The following MIGA2 variants were observed in gnomAD, a reference collection of about 807,000 sequenced individuals.
MIGA2 encodes mitoguardin 2, also known as family with sequence similarity 73, member B.
MIGA2 carries 36 observed loss-of-function variants against 69.9 expected under a neutral mutation model. The ratio of observed to expected loss-of-function variants is 0.52; its 90% CI spans 0.39 to 0.68. The LOEUF is 0.68. MIGA2 is among the 30% of genes least tolerant of loss of function. The pLI is 0.00. For synonymous variants in MIGA2, 333 were observed against 349.2 expected, an observed-to-expected ratio of 0.95 and a Z score of 0.52; for missense variants, 660 against 787.7, an observed-to-expected ratio of 0.84 and a Z score of 1.94.
chr9:129,063,606 C>G lies in MIGA2; in HGVS notation c.1145C>G (p.Thr382Arg). ...FFGKVGRQMV[T>R]GLMTKAEKSP... ...GGGAAAGTGGGCCGACAGATGGTGA[C>G]AGGCCTGATGACCAAGGCTGAGAAG... Residue 382 changes from threonine (T) to arginine (R), a missense_variant, in exon 11 of 16, where the codon ACA (threonine) becomes AGA (arginine). Around this residue, in one of 3 missense-constraint regions of MIGA2, gnomAD observed 220 missense variants for 301.7 expected, o/e 0.73. Coordinates refer to ENST00000684074, the MANE Select transcript of MIGA2 (RefSeq NM_001329990.2). The G allele has an allele frequency of 6.2e-7, 1 of 1,603,798 alleles. No homozygotes were observed. Among genetic ancestry groups the G allele is most frequent in the East Asian group, 2.2e-5 (1 of 44,578 alleles).
rs1400102455 is a variant in MIGA2, at chr9:129,049,962, A to T, written c.674A>T (p.Glu225Val). The T allele has an allele frequency of 6.2e-7, 1 of 1,610,862 alleles. No individual in the cohort carries two copies. The highest frequency in any genetic ancestry group is 8.5e-7 in the Non-Finnish European group (1 of 1,178,758). The change falls in exon 6 of 16, where the codon GAG becomes GTG. Residue 225 changes from glutamate to valine, a missense_variant and splice_region_variant. Glu to Val is a moderately radical substitution (Grantham distance 121, BLOSUM62 -2). Transcript: ENST00000684074. ...GAGACTGCATCAGAGCCACTGTCTG[A>T]GGTAGGTGGTCTTCTGCATCCCCCT... ...NPETASEPLS[E>V]PESQRKEFAE...
chr9:129,059,240 C>T lies in MIGA2; in HGVS notation c.762C>T (p.Thr254=). 1 of 1,594,386 alleles carries T rather than the reference C, an allele frequency of 6.3e-7. No individual in the cohort carries two copies. The highest frequency in any genetic ancestry group is 8.6e-7 in the Non-Finnish European group (1 of 1,169,568). The change falls in exon 7 of 16, where the codon ACC becomes ACT. Residue 254 remains threonine, a synonymous_variant. Transcript: ENST00000684074. The surrounding 1 kb of genome is among the most constrained non-coding windows in gnomAD (Gnocchi z 5.6). ...AYHLQEEFGS[T]FPADSMLLDL... is the part of the protein sequence containing the mutation. The stretch of plus-strand genomic sequence containing the variant: ...ACCTGCAGGAGGAGTTCGGCTCCAC[C>T]TTCCCCGCAGACAGCATGCTGCTAG...
chr9:129,057,561 G>A (rs1033130006), intron 6 of MIGA2, among the ~76,000 whole-genome samples: 2 of 151,840 alleles, frequency 1.3e-5, no homozygotes, highest in African/African-American at 4.8e-5. Flanking sequence ...AAAGTGCTGG[G>A]ATTACTGGTG....
rs1336359227 is a variant in MIGA2 at position 129,070,339 on chromosome 9, G to C, written c.1668G>C (p.Leu556=). Residue 556 remains leucine (L), a synonymous_variant, in exon 16 of 16, where the codon CTG becomes CTC. Coordinates refer to ENST00000684074, the MANE Select transcript of MIGA2 (RefSeq NM_001329990.2). ...CGCTGGCAGACGACATCCTGCAGCT[G>C]TCCCGGCGCCGCAGCGAGATATTGC... ...LPALADDILQ[L]SRRRSEILLG... 2 of 1,613,124 alleles carry C rather than the reference G, an allele frequency of 1.2e-6. No homozygotes were observed. Among genetic ancestry groups the C allele is most frequent in the Non-Finnish European group, 1.7e-6 (2 of 1,179,994 alleles).
intron 11 of MIGA2, among the ~76,000 whole-genome samples, chr9:129,067,225 C>T (rs1420923864): frequency 6.6e-6 from 1 of 152,162 alleles, no homozygotes; most frequent in East Asian, 1.9e-4. Flanking sequence ...TAAATGCAGA[C>T]CCACATCTGA....
intron 9 of MIGA2, among the ~76,000 whole-genome samples, chr9:129,062,713 A>G (rs75690950): frequency 0.032 from 4,935 of 151,866 alleles, 191 homozygotes; most frequent in South Asian, 0.098. Context: ...GCGTGGTGGT[A>G]CGTGGCTGTA....
rs570541665 is a variant in MIGA2, at chr9:129,069,259, C to T, written c.1458+130C>T. ...GCTCACAGTCCTGGCCCCCTTGTTC[C>T]GCCGTTACCTCTCCCTGTGCCAGGA... On this transcript the variant is annotated intron_variant, in intron 14 of 15. Coordinates refer to ENST00000684074, the MANE Select transcript of MIGA2 (RefSeq NM_001329990.2). The surrounding 1 kb of genome is among the most constrained non-coding windows in gnomAD (Gnocchi z 4.9). The T allele has an allele frequency of 7.8e-5, 89 of 1,146,394 alleles. No individual in the cohort carries two copies. The Middle Eastern group carries it at 1.1e-3, about 14-fold the overall frequency. 71.0% of individuals were successfully genotyped at this position (1,146,394 alleles called of 1,614,324 possible).
intron 11 of MIGA2, among the ~76,000 whole-genome samples, chr9:129,066,407 G>A (rs1174366520): frequency 6.6e-6 from 1 of 152,200 alleles, no homozygotes; most frequent in African/African-American, 2.4e-5. Flanking sequence ...GGGCGCAGTG[G>A]CTCACGCCTG....
At chr9:129,037,050 GAGA>G (rs1844628704) in intron 1 of MIGA2, 6 of 1,002,652 alleles carry the variant, frequency 6.0e-6, no homozygotes, top group Non-Finnish European at 7.2e-6. Flanking sequence ...GTGGGGGCAA[GAGA>G]AGAAGGGGCT....
chr9:129,050,922 G>T (rs572578460), intron 6 of MIGA2, among the ~76,000 whole-genome samples: 117 of 151,400 alleles, frequency 7.7e-4, no homozygotes, highest in African/African-American at 2.5e-3. Flanking sequence ...TGCCCAGGCT[G>T]GAGTGCAATG....
chr9:129,067,706 T>TC, intron 11 of MIGA2, 67 bp from the exon 12 acceptor site: 1 of 1,455,554 alleles, frequency 6.9e-7, no homozygotes, highest in Non-Finnish European at 9.4e-7. Flanking sequence ...ATGTCCCCCA[T>TC]CCACAGGCCA....
rs146564095 is a variant in MIGA2, at chr9:129,068,311, G to A, written c.1383G>A (p.Leu461=). 3.7e-6 allele frequency: 6 copies of A among 1,607,676 alleles called. No individual in the cohort carries two copies. Among genetic ancestry groups the A allele is most frequent in the African/African-American group, 1.3e-5 (1 of 74,894 alleles). Residue 461 remains leucine, a synonymous_variant, in exon 13 of 16, where the codon CTG becomes CTA. Transcript: ENST00000684074. This position sits in a 1 kb window ranked among gnomAD's most constrained non-coding sequence, Gnocchi z 4.1. Reference sequence around the variant, plus strand: ...TCGCCGTCCTGCGGAACCGCTGGCTGTCAGACAGCTTCAAGGAGACGGTGG... The same window carrying A: ...TCGCCGTCCTGCGGAACCGCTGGCTATCAGACAGCTTCAAGGAGACGGTGG... ...SVLAVLRNRW[L]SDSFKETALA...
chr9:129,067,658 G>A (rs1171462057), intron 11 of MIGA2, 115 bp from the exon 12 acceptor site: 1 of 878,774 alleles, frequency 1.1e-6, no homozygotes, highest in African/African-American at 1.7e-5. Context: ...TTTTCTCTGT[G>A]CCTGCTGCGT....
intron 3 of MIGA2, among the ~76,000 whole-genome samples, 195 bp from the exon 4 acceptor site, chr9:129,048,232 G>T (rs1043263716): frequency 6.6e-6 from 1 of 152,222 alleles, no homozygotes; most frequent in Non-Finnish European, 1.5e-5. Context: ...CAGGGATGTG[G>T]TCATGAGCAG....
rs1307541800 is a variant in MIGA2 at position 129,060,642 on chromosome 9, G to A, written c.886G>A (p.Ala296Thr). The A allele has an allele frequency of 2.5e-5, 40 of 1,590,716 alleles. No homozygotes were observed. The highest frequency in any genetic ancestry group is 4.6e-5 in the East Asian group (2 of 43,876). ...GACTTCAGAGGATTCCTTCTTCTCC[G>A]CCACCGAGGTGACTCGGGGTGGGGA... ...SLTSEDSFFS[A>T]TELFESLQTG... is the part of the protein sequence containing the mutation. The change falls in exon 8 of 16, where the codon GCC becomes ACC. Residue 296 changes from alanine (A) to threonine (T), a missense_variant. Coordinates refer to ENST00000684074, the MANE Select transcript of MIGA2 (RefSeq NM_001329990.2). The surrounding 1 kb of genome is among the most constrained non-coding windows in gnomAD (Gnocchi z 4.8).
In MIGA2 at chr9:129,069,323, C is replaced by T; in HGVS notation, c.1458+194C>T. On this transcript the variant is annotated intron_variant, in intron 14 of 15. Transcript: ENST00000684074. The surrounding 1 kb of genome is among the most constrained non-coding windows in gnomAD (Gnocchi z 4.9). ...TCGTGTAGACCCACTTCCTCTCCTC[C>T]CCAGGCCCAGCACAGAGCAGGCCAC... The T allele has an allele frequency of 1.5e-6, 1 of 663,160 alleles. No individual in the cohort carries two copies. The highest frequency in any genetic ancestry group is 2.7e-6 in the Non-Finnish European group (1 of 377,106). The allele number at this position is 663,160 out of a possible 1,614,324, so 41.1% of individuals were successfully genotyped here.
chr9:129,069,250 C>G lies in MIGA2; in HGVS notation c.1458+121C>G. On this transcript the variant is annotated intron_variant, in intron 14 of 15. Coordinates refer to ENST00000684074, the MANE Select transcript of MIGA2 (RefSeq NM_001329990.2). This position sits in a 1 kb window ranked among gnomAD's most constrained non-coding sequence, Gnocchi z 4.9. ...GCCTTCACCGCTCACAGTCCTGGCC[C>G]CCTTGTTCCGCCGTTACCTCTCCCT... The G allele has an allele frequency of 2.3e-6, 3 of 1,278,948 alleles. No individual in the cohort carries two copies. Among genetic ancestry groups the G allele is most frequent in the South Asian group, 1.2e-5 (1 of 83,534 alleles). The allele number at this position is 1,278,948 out of a possible 1,614,324, so 79.2% of individuals were successfully genotyped here.
rs1209876560 is a variant in MIGA2, at chr9:129,070,513, A to G, written c.*60A>G. Reference sequence around the variant, plus strand: ...CTCCTCCTCCCTTCCCTGGGTTGGTATCTGACAGCTGTGGTGGCTGAGGGC... The same window carrying G: ...CTCCTCCTCCCTTCCCTGGGTTGGTGTCTGACAGCTGTGGTGGCTGAGGGC... On this transcript the variant is annotated 3_prime_UTR_variant, in exon 16 of 16. Transcript: ENST00000684074. 3 of 1,448,622 alleles carry G rather than the reference A, an allele frequency of 2.1e-6. No individual in the cohort carries two copies. The highest frequency in any genetic ancestry group is 1.4e-5 in the African/African-American group (1 of 70,278). 89.7% of individuals were successfully genotyped at this position (1,448,622 alleles called of 1,614,324 possible).
intron 6 of MIGA2, among the ~76,000 whole-genome samples, chr9:129,052,540 G>T (rs1845601227): frequency 6.6e-6 from 1 of 151,778 alleles, no homozygotes; most frequent in African/African-American, 2.4e-5. Flanking sequence ...ACTTTGGGAG[G>T]CCGAGGCAGG....
Sources: allele counts gnomAD v4.1 joint callset (sites outside exome capture counted in the v4.1 genomes callset), GRCh38; gene constraint gnomAD v4.1.1; regional missense constraint gnomAD v4.1.1; non-coding constraint Gnocchi (gnomAD v3.1); transcripts MANE v1.5; gene names NCBI Gene and HGNC (gene_info 2026-07-23, HGNC 2026-07-21).